The following ACSL1 variants were observed in gnomAD, a reference collection of about 807,000 sequenced individuals.
ACSL1 encodes the protein acyl-CoA synthetase long chain family member 1.
Under a neutral mutation model 98.4 loss-of-function variants are expected in ACSL1, and 41 were observed. That is an observed-to-expected ratio of 0.42 (90% CI 0.32 to 0.54). The LOEUF (loss-of-function observed/expected upper bound fraction) is 0.54. Among genes scored for constraint, ACSL1 ranks in the 20% least tolerant of loss-of-function variants. ACSL1 has a pLI of 0.13. For missense variants in ACSL1, 734 were observed against 883.1 expected (o/e 0.83, Z 2.14); for synonymous variants, 316 against 322.7 (o/e 0.98, Z 0.22).
chr4:184,777,781 A>AAG (rs59773222), intron 5 of ACSL1, among the ~76,000 whole-genome samples: 18,201 of 151,404 alleles, frequency 0.12, 1,397 homozygotes, highest in Non-Finnish European at 0.17. Flanking sequence ...AAGAGAAAGA[A>AAG]AGAGAGAGAG....
At chr4:184,772,640 A>C (rs939098458) in intron 10 of ACSL1, among the ~76,000 whole-genome samples, 10 of 152,238 alleles carry the variant, frequency 6.6e-5, no homozygotes, top group Non-Finnish European at 1.3e-4. Flanking sequence ...AGGCTTTACT[A>C]CTTCTAGTGC....
At chr4:184,824,448 G>A (rs1030262117) in intron 1 of ACSL1, among the ~76,000 whole-genome samples, 1 of 151,988 alleles carries the variant, frequency 6.6e-6, no homozygotes, top group African/African-American at 2.4e-5. Flanking sequence ...TAAGTATTCT[G>A]TTTACAGTAA....
intron 11 of ACSL1, 59 bp downstream of exon 11, chr4:184,770,340 A>G: frequency 6.3e-7 from 1 of 1,599,238 alleles, no homozygotes; most frequent in Non-Finnish European, 8.5e-7. Flanking sequence ...TTTCTGTAAA[A>G]CACAACAACT....
chr4:184,763,309 G>C (rs1298998312), intron 15 of ACSL1, 54 bp from the exon 16 acceptor site: 1 of 1,521,596 alleles, frequency 6.6e-7, no homozygotes, highest in Admixed American at 1.9e-5. Flanking sequence ...CATAACCTCA[G>C]GTCAAATTAT....
chr4:184,811,195 G>A (rs1220117600), intron 1 of ACSL1, among the ~76,000 whole-genome samples: 2 of 150,622 alleles, frequency 1.3e-5, no homozygotes, highest in African/African-American at 2.5e-5. Flanking sequence ...TGCAAGCTCC[G>A]CCTTCTGGGT....
chr4:184,821,439 A>T lies in ACSL1; in HGVS notation c.-33+4477T>A, dbSNP rs1032569703. 1.1e-3 allele frequency: 190 copies of T among 173,354 alleles called. 1 individual carries two copies. Among genetic ancestry groups the T allele is most frequent in the African/African-American group, 4.1e-3 (173 of 42,040 alleles). The allele number at this position is 173,354 out of a possible 1,614,324, so 10.7% of individuals were successfully genotyped here. A position where few individuals can be genotyped will look rare whatever the true frequency, so the allele number is the denominator to read the frequency against. On this transcript the variant is annotated intron_variant, in intron 1 of 20. Coordinates refer to ENST00000281455, the MANE Select transcript of ACSL1 (RefSeq NM_001995.5). Reference sequence around the variant, plus strand: ...TCAGAAGTCCCCTCCAGAATGAGGAAATGGTCTACAGGCAGGCCCCGTTTC... The same window carrying T: ...TCAGAAGTCCCCTCCAGAATGAGGATATGGTCTACAGGCAGGCCCCGTTTC...
Position 184,803,212 on chromosome 4 carries a change from C to A in ACSL1, c.195+108G>T. 1.8e-6 allele frequency: 2 copies of A among 1,117,698 alleles called. No homozygotes were observed. Among genetic ancestry groups the A allele is most frequent in the Admixed American group, 6.6e-5 (2 of 30,202 alleles). 69.2% of individuals were successfully genotyped at this position (1,117,698 alleles called of 1,614,324 possible). A position where few individuals can be genotyped will look rare whatever the true frequency, so the allele number is the denominator to read the frequency against. ...TTGGCACATTTCCATTTACAAAGTG[C>A]AGTTATAAACAAATATTTGATCTTG... On this transcript the variant is annotated intron_variant, in intron 2 of 20. Transcript: ENST00000281455. This position sits in a 1 kb window ranked among gnomAD's most constrained non-coding sequence, Gnocchi z 4.8.
At chr4:184,782,238 A>C (rs926474765) in intron 4 of ACSL1, among the ~76,000 whole-genome samples, 2 of 144,852 alleles carry the variant, frequency 1.4e-5, no homozygotes, top group Non-Finnish European at 3.0e-5. Context: ...ACGCACATTT[A>C]TATTTCTAGA....
At chr4:184,799,827 C>T (rs1325112709) in intron 2 of ACSL1, among the ~76,000 whole-genome samples, 5 of 152,100 alleles carry the variant, frequency 3.3e-5, no homozygotes, top group Non-Finnish European at 5.9e-5. Context: ...CCAGCCTGGG[C>T]AACAGAGCGA....
At chr4:184,802,289 A>G (rs947793276) in intron 2 of ACSL1, among the ~76,000 whole-genome samples, 1 of 152,234 alleles carries the variant, frequency 6.6e-6, no homozygotes, top group Non-Finnish European at 1.5e-5. Context: ...CTAGAATCCC[A>G]TAAATAACAA....
chr4:184,791,129 C>G (rs1218918082), intron 2 of ACSL1, among the ~76,000 whole-genome samples: 2 of 152,200 alleles, frequency 1.3e-5, no homozygotes, highest in Non-Finnish European at 2.9e-5. Flanking sequence ...TACAAAGGTG[C>G]CTTCTATACC....
chr4:184,773,262 C>T lies in ACSL1; in HGVS notation c.842-108G>A, dbSNP rs903892153. ...CAGACACCTCTACTGTTAGATATAT[C>T]GTGAAAACCAAATGTTGAACACTAA... On this transcript the variant is annotated intron_variant, in intron 9 of 20. Coordinates refer to ENST00000281455, the MANE Select transcript of ACSL1 (RefSeq NM_001995.5). This position sits in a 1 kb window ranked among gnomAD's most constrained non-coding sequence, Gnocchi z 4.3. The T allele has an allele frequency of 4.3e-5, 41 of 958,800 alleles. No individual in the cohort carries two copies. Among genetic ancestry groups the T allele is most frequent in the Middle Eastern group, 2.2e-4 (1 of 4,528 alleles). 59.4% of individuals were successfully genotyped at this position (958,800 alleles called of 1,614,324 possible). A position where few individuals can be genotyped will look rare whatever the true frequency, so the allele number is the denominator to read the frequency against.
intron 2 of ACSL1, chr4:184,798,647 G>GCTCCTCT: frequency 6.5e-6 from 1 of 152,984 alleles, no homozygotes; most frequent in East Asian, 1.9e-4. Flanking sequence ...AATTCCAGTG[G>GCTCCTCT]CTCCTCTCGG....
In ACSL1 at chr4:184,760,514, G is replaced by T; in HGVS notation, c.1639-14C>A. The T allele has an allele frequency of 6.2e-7, 1 of 1,613,856 alleles. No individual in the cohort carries two copies. Among genetic ancestry groups the T allele is most frequent in the South Asian group, 1.1e-5 (1 of 91,008 alleles). On this transcript the variant is annotated splice_polypyrimidine_tract_variant and intron_variant, in intron 17 of 20. Coordinates refer to ENST00000281455, the MANE Select transcript of ACSL1 (RefSeq NM_001995.5). Reference sequence around the variant, plus strand: ...CAAGGTGCCATTCTGTTGATCAGAGGGGAGGGGGTTATGAATGGGCTGATG... The same window carrying T: ...CAAGGTGCCATTCTGTTGATCAGAGTGGAGGGGGTTATGAATGGGCTGATG...
intron 4 of ACSL1, among the ~76,000 whole-genome samples, chr4:184,783,350 C>T (rs1766651535): frequency 1.3e-5 from 2 of 152,200 alleles, no homozygotes; most frequent in Non-Finnish European, 2.9e-5. Context: ...CTTCCCCGAA[C>T]ATCTGTGTTC....
intron 3 of ACSL1, among the ~76,000 whole-genome samples, chr4:184,784,406 T>G (rs1766863831): frequency 6.6e-6 from 1 of 152,138 alleles, no homozygotes; most frequent in Non-Finnish European, 1.5e-5. Flanking sequence ...GCATTCTAAT[T>G]CAGAATACGG....
At chr4:184,799,841 C>A (rs944236305) in intron 2 of ACSL1, among the ~76,000 whole-genome samples, 6 of 151,998 alleles carry the variant, frequency 3.9e-5, no homozygotes, top group African/African-American at 9.7e-5. Context: ...AGAGCGAGAC[C>A]CTGTCTCTAA....
chr4:184,773,100 G>A lies in ACSL1; in HGVS notation c.896C>T (p.Ala299Val). 1 of 1,613,962 alleles carries A rather than the reference G, an allele frequency of 6.2e-7. No individual in the cohort carries two copies. The highest frequency in any genetic ancestry group is 8.5e-7 in the Non-Finnish European group (1 of 1,179,830). The change falls in exon 10 of 21, where the codon GCT (alanine) becomes GTT (valine). Residue 299 changes from alanine (A) to valine (V), a missense_variant. Ala to Val is a moderately conservative substitution (Grantham distance 64). Transcript: ENST00000281455. The surrounding 1 kb of genome is among the most constrained non-coding windows in gnomAD (Gnocchi z 4.3). ...THRNIVSDCS[A>V]FVKATENTVN... ...AGTTACCTCTGTTGCTTTCACAAAA[G>A]CTGAACAATCGCTCACTATGTTTCG...
rs1765320041 is a variant in ACSL1, at chr4:184,776,540, G to T, written c.700C>A (p.Leu234Met). The T allele has an allele frequency of 1.2e-6, 2 of 1,614,144 alleles. No homozygotes were observed. The highest frequency in any genetic ancestry group is 1.7e-6 in the Non-Finnish European group (2 of 1,179,992). ...CCACACCTCTGGCCTCGTTCCACCA[G>T]TTCACTGCCGTAGGCATCCATGACA... Reference protein sequence around the residue: ...IVVMDAYGSELVERGQRCGVE... With the variant: ...IVVMDAYGSEMVERGQRCGVE... Residue 234 changes from leucine to methionine, a missense_variant, in exon 7 of 21, where the codon CTG becomes ATG. Transcript: ENST00000281455.
Sources: gnomAD v4.1 joint callset for allele counts (sites outside exome capture counted in the v4.1 genomes callset) on GRCh38, gnomAD v4.1.1 for gene constraint, Gnocchi (gnomAD v3.1) non-coding constraint, MANE v1.5 for transcripts, NCBI Gene and HGNC (gene_info 2026-07-23, HGNC 2026-07-21) for gene names.